ALPK2: variants seen among roughly 807,000 people sequenced by gnomAD.
ALPK2 encodes the protein alpha-protein kinase 2.
In ALPK2, 127 loss-of-function variants were observed where a neutral mutation model predicts 163.1. That is an observed-to-expected ratio of 0.78 (90% CI 0.67 to 0.90). The LOEUF is 0.90. Ranked by LOEUF, ALPK2 falls within the 40% of genes least tolerant of loss-of-function variation. ALPK2 has a pLI of 0.00. For synonymous variants in ALPK2, 953 were observed against 959.1 expected, an observed-to-expected ratio of 0.99 and a Z score of 0.12; for missense variants, 2,360 against 2,589.6, an observed-to-expected ratio of 0.91 and a Z score of 1.92.
intron 12 of ALPK2, among the ~76,000 whole-genome samples, chr18:58,497,689 T>G (rs1388165191): frequency 6.6e-6 from 1 of 152,178 alleles, no homozygotes; most frequent in Non-Finnish European, 1.5e-5. Context: ...AAATTTTTTT[T>G]CAAAGAAGCT....
intron 4 of ALPK2, among the ~76,000 whole-genome samples, chr18:58,542,152 C>T (rs117120416): frequency 1.3e-5 from 2 of 152,300 alleles, no homozygotes; most frequent in Non-Finnish European, 1.5e-5. Flanking sequence ...GACTAGCAAC[C>T]AGCGTTTGTA....
In ALPK2 at chr18:58,579,831, G is replaced by T; in HGVS notation, c.945C>A (p.Thr315=). 6.2e-7 allele frequency: 1 copy of T among 1,613,640 alleles called. No homozygotes were observed. The highest frequency in any genetic ancestry group is 8.5e-7 in the Non-Finnish European group (1 of 1,179,936). The change falls in exon 4 of 13, where the codon ACC becomes ACA. Residue 315 remains threonine (T), a synonymous_variant. Transcript: ENST00000361673. ...CTGAAAACTCCTCGGTGTAGGTTAG[G>T]GTTATCTCTGGGCAAAGTTCATAGT... is the stretch of plus-strand genomic sequence containing the variant. ...DSDYELCPEI[T]LTYTEEFSDD... is the part of the protein sequence containing the mutation.
intron 12 of ALPK2, among the ~76,000 whole-genome samples, chr18:58,491,175 C>T (rs908923620): frequency 6.6e-6 from 1 of 152,216 alleles, no homozygotes; most frequent in Admixed American, 6.5e-5. Flanking sequence ...ACTGAACTGA[C>T]TCCGTCTTGC....
chr18:58,548,327 G>T (rs1482430564), intron 4 of ALPK2, among the ~76,000 whole-genome samples: 9 of 144,394 alleles, frequency 6.2e-5, no homozygotes, highest in South Asian at 2.2e-4. Context: ...CCTGTGTTTT[G>T]TTTTTTTTTT....
At chr18:58,569,277 T>C (rs1388109121) in intron 4 of ALPK2, among the ~76,000 whole-genome samples, 1 of 152,218 alleles carries the variant, frequency 6.6e-6, no homozygotes, top group Non-Finnish European at 1.5e-5. Flanking sequence ...GAGAATCACC[T>C]GGGAGCTTTT....
intron 10 of ALPK2, among the ~76,000 whole-genome samples, chr18:58,504,492 ATCCT>A (rs758254503): frequency 6.7e-4 from 102 of 151,910 alleles, no homozygotes; most frequent in Non-Finnish European, 8.7e-4. Context: ...CCATCCATTC[ATCCT>A]TCCTTCCTTC....
chr18:58,496,265 G>A (rs941363105), intron 12 of ALPK2, among the ~76,000 whole-genome samples: 5 of 152,102 alleles, frequency 3.3e-5, no homozygotes, highest in African/African-American at 1.2e-4. Flanking sequence ...TAAATCCCTC[G>A]TTCCTTCCTC....
intron 3 of ALPK2, among the ~76,000 whole-genome samples, chr18:58,603,296 T>C (rs1342028590): frequency 6.6e-6 from 1 of 152,236 alleles, no homozygotes; most frequent in Non-Finnish European, 1.5e-5. Flanking sequence ...GGTCGCATTC[T>C]GAGGCTCCAG....
intron 10 of ALPK2, among the ~76,000 whole-genome samples, chr18:58,509,605 G>T (rs2051479243): frequency 6.6e-6 from 1 of 151,496 alleles, no homozygotes; most frequent in Non-Finnish European, 1.5e-5. Flanking sequence ...ATCTCATTGT[G>T]GTTTTGATTT....
Position 58,535,730 on chromosome 18 carries a change from T to G in ALPK2, c.4457A>C (p.Glu1486Ala). Residue 1486 changes from glutamate (E) to alanine (A), a missense_variant, in exon 5 of 13, where the codon GAG becomes GCG. Transcript: ENST00000361673. ...GACTTGCCAAATGGCAGTTTTTGCC[T>G]CCTCAGGTTGAATTTGTTCAGCCTC... The part of the protein sequence containing the change: ...KQEAEQIQPE[E>A]AKTAIWQVLQ... 1 of 1,614,228 alleles carries G rather than the reference T, an allele frequency of 6.2e-7. No homozygotes were observed. Among genetic ancestry groups the G allele is most frequent in the Non-Finnish European group, 8.5e-7 (1 of 1,180,030 alleles).
At chr18:58,593,851 C>A (rs1186945594) in intron 3 of ALPK2, among the ~76,000 whole-genome samples, 2 of 151,548 alleles carry the variant, frequency 1.3e-5, no homozygotes, top group Non-Finnish European at 2.9e-5. Flanking sequence ...GCACTCCAGC[C>A]TGGGCAACAG....
At chr18:58,504,279 A>C (rs1351973452) in intron 10 of ALPK2, 131 bp from the exon 11 acceptor site, 1 of 691,530 alleles carries the variant, frequency 1.4e-6, no homozygotes. Flanking sequence ...TTTAGACTAC[A>C]AATCCATCCA....
At position 58,481,952 on chromosome 18, in the gene ALPK2, C is replaced by A. The variant is rs2051313788; in HGVS notation, c.6384G>T (p.Leu2128=). 3 of 1,614,134 alleles carry A rather than the reference C, an allele frequency of 1.9e-6. No homozygotes were observed. In the East Asian group the frequency reaches 6.7e-5, roughly 36 times the overall value. The change falls in exon 13 of 13, where the codon CTG becomes CTT. Residue 2128 remains leucine (L), a synonymous_variant. Transcript: ENST00000361673. ...LHQCNKYCKM[L]GLKSLQNNNQ... ...TGTTGTTTTGAAGGGATTTCAGTCC[C>A]AGCATTTTGCAATACTTGTTACACT...
chr18:58,502,692 T>C (rs964076368), intron 11 of ALPK2, among the ~76,000 whole-genome samples: 1 of 152,272 alleles, frequency 6.6e-6, no homozygotes, highest in African/African-American at 2.4e-5. Context: ...CAGAAGCTGC[T>C]GGTGCCTTAC....
At chr18:58,542,779 G>A (rs1305368162) in intron 4 of ALPK2, among the ~76,000 whole-genome samples, 1 of 152,190 alleles carries the variant, frequency 6.6e-6, no homozygotes, top group Admixed American at 6.5e-5. Context: ...TCCAAGTGCA[G>A]GCCAGGAGTA....
chr18:58,539,768 T>C (rs1441949205), intron 4 of ALPK2, among the ~76,000 whole-genome samples: 1 of 152,186 alleles, frequency 6.6e-6, no homozygotes, highest in Non-Finnish European at 1.5e-5. Flanking sequence ...TCATAAATCA[T>C]ACATGACAGT....
rs1208053747 is a variant in ALPK2 at position 58,561,889 on chromosome 18, G to A, written c.1962+16925C>T. Among the ~76,000 whole-genome samples, 3 of 152,184 alleles carry A rather than the reference G, an allele frequency of 2.0e-5. No individual in the cohort carries two copies. In the East Asian group the frequency reaches 5.8e-4, roughly 29 times the overall value. Reference sequence around the variant, plus strand: ...ACCTAGGTGGACTGAGTAGCTATGGGGCAGGGCATTATCAGCACCTGCCTT... The same window carrying A: ...ACCTAGGTGGACTGAGTAGCTATGGAGCAGGGCATTATCAGCACCTGCCTT... On this transcript the variant is annotated intron_variant, in intron 4 of 12. Transcript: ENST00000361673.
Position 58,536,414 on chromosome 18 carries a change from T to C in ALPK2, c.3773A>G (p.Glu1258Gly). 6.2e-7 allele frequency: 1 copy of C among 1,614,188 alleles called. No individual in the cohort carries two copies. Among genetic ancestry groups the C allele is most frequent in the Non-Finnish European group, 8.5e-7 (1 of 1,180,024 alleles). Residue 1258 changes from glutamate (E) to glycine (G), a missense_variant, in exon 5 of 13, where the codon GAG becomes GGG. By Grantham distance (98) the Glu-to-Gly change is moderately conservative. Transcript: ENST00000361673. ...IWPPRQLTNS[E>G]SKASDGGLII... is the part of the protein sequence containing the mutation. ...GAGACCACCGTCTGATGCCTTGCTCTCAGAATTTGTCAGTTGTCGTGGTGG... is the reference window on the plus strand; with the variant it reads ...GAGACCACCGTCTGATGCCTTGCTCCCAGAATTTGTCAGTTGTCGTGGTGG...
In ALPK2 at chr18:58,537,639, A is replaced by G. The variant is rs754469314; in HGVS notation, c.2548T>C (p.Ser850Pro). The change falls in exon 5 of 13, where the codon TCT becomes CCT. Residue 850 changes from serine to proline, a missense_variant. Transcript: ENST00000361673. ...TELAEGQNKV[S>P]DLCSSNDKTL... Reference sequence around the variant, plus strand: ...TTGTCATTAGAAGAACATAAATCAGATACTTTGTTTTGACCTTCTGCCAGT... The same window carrying G: ...TTGTCATTAGAAGAACATAAATCAGGTACTTTGTTTTGACCTTCTGCCAGT... 1 of 1,613,522 alleles carries G rather than the reference A, an allele frequency of 6.2e-7. No homozygotes were observed. The highest frequency in any genetic ancestry group is 8.5e-7 in the Non-Finnish European group (1 of 1,179,496).
Sources: gnomAD v4.1 joint callset for allele counts (sites outside exome capture counted in the v4.1 genomes callset) on GRCh38, gnomAD v4.1.1 for gene constraint, MANE v1.5 for transcripts, NCBI Gene and HGNC (gene_info 2026-07-23, HGNC 2026-07-21) for gene names.